GALNT17: variants seen among roughly 807,000 people sequenced by gnomAD.
GALNT17 encodes UDP-GalNAc:polypeptide N-acetylgalactosaminyltransferase-like 3.
GALNT17 carries 29 observed loss-of-function variants against 63.7 expected under a neutral mutation model. The observed-to-expected ratio is 0.46, with a 90% CI of 0.34 to 0.62. The LOEUF is 0.62. Ranked by LOEUF, GALNT17 falls within the 20% of genes least tolerant of loss-of-function variation. The pLI is 0.01. For missense variants in GALNT17, 603 were observed against 799.6 expected (o/e 0.75, Z 2.97); for synonymous variants, 305 against 318.3 (o/e 0.96, Z 0.45).
intron 1 of GALNT17, among the ~76,000 whole-genome samples, chr7:71,242,263 T>C (rs1261120157): frequency 7.1e-6 from 1 of 141,096 alleles, no homozygotes; most frequent in East Asian, 2.2e-4. Context: ...TTTTTTTCTT[T>C]TTCTTTTTCT....
rs796471823 is a variant in GALNT17 at position 71,597,538 on chromosome 7, G to A, written c.1080+26136G>A. On this transcript the variant is annotated intron_variant, in intron 6 of 10. Coordinates refer to ENST00000333538, the MANE Select transcript of GALNT17 (RefSeq NM_022479.3). ...GAGTAATAAATAAATAAATAAATAA[G>A]TAAATAATAAACAAACATTTCTGAA... 9.1e-3 allele frequency among the ~76,000 whole-genome samples: 755 copies of A among 82,846 alleles called. 7 individuals carry two copies. The highest frequency in any genetic ancestry group is 0.023 in the African/African-American group (620 of 26,584). 54.4% of individuals were successfully genotyped at this position (82,846 alleles called of 152,430 possible).
chr7:71,518,305 T>A (rs766276984), intron 5 of GALNT17, among the ~76,000 whole-genome samples: 1 of 152,232 alleles, frequency 6.6e-6, no homozygotes, highest in Non-Finnish European at 1.5e-5. Context: ...CCTGTTTCCC[T>A]TGGTTTCTAA....
chr7:71,206,532 C>T (rs1789275059), intron 1 of GALNT17, among the ~76,000 whole-genome samples: 1 of 152,086 alleles, frequency 6.6e-6, no homozygotes, highest in Admixed American at 6.6e-5. Flanking sequence ...AAACCCACTT[C>T]CCAAATTGCT....
At chr7:71,605,168 A>G (rs1790026527) in intron 6 of GALNT17, among the ~76,000 whole-genome samples, 1 of 152,188 alleles carries the variant, frequency 6.6e-6, no homozygotes, top group Non-Finnish European at 1.5e-5. Context: ...TCGCTCTTGA[A>G]TACTATGCAG....
chr7:71,514,662 C>A (rs1562671541), intron 5 of GALNT17, among the ~76,000 whole-genome samples: 1 of 152,166 alleles, frequency 6.6e-6, no homozygotes, highest in Non-Finnish European at 1.5e-5. Flanking sequence ...GTGTTCTAAT[C>A]TTAATTCCTT....
chr7:71,625,833 C>T (rs867774197), intron 6 of GALNT17, among the ~76,000 whole-genome samples: 18 of 152,244 alleles, frequency 1.2e-4, no homozygotes, highest in Admixed American at 6.5e-4. Flanking sequence ...TATGTTGAAG[C>T]CTTAATCCCC....
At chr7:71,305,427 G>A (rs1361629978) in intron 1 of GALNT17, among the ~76,000 whole-genome samples, 2 of 152,100 alleles carry the variant, frequency 1.3e-5, no homozygotes, top group Non-Finnish European at 2.9e-5. Flanking sequence ...ACTAACCCAC[G>A]GCAAGGATAA....
chr7:71,581,644 G>A (rs1789637129), intron 6 of GALNT17, among the ~76,000 whole-genome samples: 2 of 152,112 alleles, frequency 1.3e-5, no homozygotes, highest in South Asian at 4.1e-4. Context: ...TATCAGTGGT[G>A]GTCCACTGAA....
intron 6 of GALNT17, among the ~76,000 whole-genome samples, chr7:71,594,842 A>G (rs1789863293): frequency 6.6e-6 from 1 of 152,206 alleles, no homozygotes; most frequent in Non-Finnish European, 1.5e-5. Context: ...GAAATAGTGT[A>G]TTATGGGTTG....
At chr7:71,379,047 T>C (rs544106062) in intron 2 of GALNT17, among the ~76,000 whole-genome samples, 54 of 152,090 alleles carry the variant, frequency 3.6e-4, no homozygotes, top group African/African-American at 1.3e-3. Flanking sequence ...ACGCCTGCAC[T>C]CTTGGAGTGG....
intron 1 of GALNT17, among the ~76,000 whole-genome samples, chr7:71,235,252 G>GA (rs751761194): frequency 0.043 from 5,902 of 138,448 alleles, 354 homozygotes; most frequent in African/African-American, 0.14. Context: ...CTCCATCTCG[G>GA]AAAAAAAAAA....
At chr7:71,640,979 G>T (rs1015496134) in intron 6 of GALNT17, among the ~76,000 whole-genome samples, 1 of 152,144 alleles carries the variant, frequency 6.6e-6, no homozygotes, top group Non-Finnish European at 1.5e-5. Context: ...CCCTAACTGT[G>T]ATAAAATGCA....
At chr7:71,192,602 G>C (rs1416754446) in intron 1 of GALNT17, among the ~76,000 whole-genome samples, 2 of 152,062 alleles carry the variant, frequency 1.3e-5, no homozygotes, top group African/African-American at 4.8e-5. Flanking sequence ...TGCCATGTTG[G>C]CCAGGCTGGT....
At chr7:71,283,205 A>C (rs1054749096) in intron 1 of GALNT17, among the ~76,000 whole-genome samples, 1 of 151,936 alleles carries the variant, frequency 6.6e-6, no homozygotes, top group African/African-American at 2.4e-5. Flanking sequence ...GGCTAATTAA[A>C]AAAAAAATTT....
chr7:71,537,325 C>A (rs1006996605), intron 5 of GALNT17, among the ~76,000 whole-genome samples: 18 of 152,160 alleles, frequency 1.2e-4, no homozygotes, highest in African/African-American at 4.1e-4. Context: ...GTGGCCCCTG[C>A]AAGGATGTGT....
chr7:71,627,626 G>A (rs913459621), intron 6 of GALNT17, among the ~76,000 whole-genome samples: 1 of 152,076 alleles, frequency 6.6e-6, no homozygotes, highest in African/African-American at 2.4e-5. Context: ...AGACCTGTCC[G>A]GTAGACAATA....
chr7:71,382,919 A>G (rs558200895), intron 2 of GALNT17, among the ~76,000 whole-genome samples: 11 of 152,234 alleles, frequency 7.2e-5, no homozygotes, highest in African/African-American at 2.6e-4. Context: ...GCACGTTTAC[A>G]TTGTCATGTA....
At chr7:71,229,793 C>T (rs1046322076) in intron 1 of GALNT17, among the ~76,000 whole-genome samples, 13 of 152,192 alleles carry the variant, frequency 8.5e-5, no homozygotes, top group African/African-American at 2.7e-4. Flanking sequence ...TCCGCCTCCA[C>T]CTAGTTCGAT....
intron 8 of GALNT17, among the ~76,000 whole-genome samples, chr7:71,671,499 G>A (rs1446887002): frequency 6.6e-6 from 1 of 152,134 alleles, no homozygotes; most frequent in Admixed American, 6.5e-5. Context: ...ACCCTCCTGA[G>A]CTGGAATTTG....
Sources: gnomAD v4.1 joint callset for allele counts (sites outside exome capture counted in the v4.1 genomes callset) on GRCh38, gnomAD v4.1.1 for gene constraint, MANE v1.5 for transcripts, NCBI Gene and HGNC (gene_info 2026-07-23, HGNC 2026-07-21) for gene names.